Variants in AGMO observed in about 807,000 individuals in gnomAD.
The protein encoded by AGMO is alkylglycerol monooxygenase.
Under a neutral mutation model 60.2 loss-of-function variants are expected in AGMO, and 75 were observed. That is an observed-to-expected ratio of 1.25 (90% CI 1.03 to 1.51). The LOEUF is 1.51. Ranked by LOEUF, AGMO falls within the 40% of genes most tolerant of loss-of-function variation. AGMO has a pLI of 0.00. For missense variants in AGMO, 763 were observed against 525.5 expected, an observed-to-expected ratio of 1.45 and a Z score of -4.42; for synonymous variants, 261 against 177.1, an observed-to-expected ratio of 1.47 and a Z score of -3.76.
chr7:15,340,351 T>C (rs1781803074), intron 12 of AGMO, among the ~76,000 whole-genome samples: 1 of 152,168 alleles, frequency 6.6e-6, no homozygotes, highest in Non-Finnish European at 1.5e-5. Flanking sequence ...GATTTTGAAT[T>C]TTTGACTTAG....
At chr7:15,458,511 T>C (rs948804435) in intron 3 of AGMO, among the ~76,000 whole-genome samples, 1 of 152,196 alleles carries the variant, frequency 6.6e-6, no homozygotes, top group African/African-American at 2.4e-5. Flanking sequence ...GTCTGTCTTA[T>C]AAAGCAACAA....
At chr7:15,204,097 G>A (rs1416508422) in intron 12 of AGMO, among the ~76,000 whole-genome samples, 1 of 151,976 alleles carries the variant, frequency 6.6e-6, no homozygotes, top group Non-Finnish European at 1.5e-5. Flanking sequence ...CATTCCATTA[G>A]AAAATATTTC....
intron 2 of AGMO, among the ~76,000 whole-genome samples, chr7:15,549,537 C>T (rs1050137449): frequency 2.6e-5 from 4 of 151,706 alleles, no homozygotes; most frequent in African/African-American, 9.7e-5. Flanking sequence ...ATAGAACAGA[C>T]TTTAAACCAA....
chr7:15,413,585 C>T (rs4721437), intron 5 of AGMO, among the ~76,000 whole-genome samples: 13,183 of 151,752 alleles, frequency 0.087, 720 homozygotes, highest in South Asian at 0.14. Flanking sequence ...AATGAAAAGA[C>T]ACATTATCTA....
At chr7:15,441,123 T>C (rs971332553) in intron 3 of AGMO, among the ~76,000 whole-genome samples, 3 of 152,168 alleles carry the variant, frequency 2.0e-5, no homozygotes, top group Non-Finnish European at 4.4e-5. Flanking sequence ...CATTCTAAAG[T>C]AGTATGAATA....
chr7:15,343,578 G>T (rs1039104102), intron 12 of AGMO, among the ~76,000 whole-genome samples: 3 of 152,110 alleles, frequency 2.0e-5, no homozygotes, highest in African/African-American at 7.2e-5. Flanking sequence ...TAATTTGAAA[G>T]ATCAAATTAC....
At chr7:15,302,215 CTATT>C (rs1185313519) in intron 12 of AGMO, among the ~76,000 whole-genome samples, 2 of 151,998 alleles carry the variant, frequency 1.3e-5, no homozygotes, top group East Asian at 1.9e-4. Context: ...TGAAGATAAA[CTATT>C]AGTTTGGTCT....
chr7:15,425,018 G>C (rs1038565073), intron 4 of AGMO, among the ~76,000 whole-genome samples: 1 of 152,146 alleles, frequency 6.6e-6, no homozygotes, highest in Non-Finnish European at 1.5e-5. Context: ...TTTCTCTGCA[G>C]TCTCATATGT....
chr7:15,156,045 C>T, the AGMO span, among the ~76,000 whole-genome samples: 12 of 152,192 alleles, frequency 7.9e-5, no homozygotes, highest in Admixed American at 2.0e-4. Context: ...TTGGCAACTA[C>T]GCTCTAATGG....
chr7:15,402,386 C>T (rs898740114), intron 5 of AGMO, among the ~76,000 whole-genome samples: 10 of 151,110 alleles, frequency 6.6e-5, no homozygotes, highest in African/African-American at 2.4e-4. Flanking sequence ...TCTTATCTAT[C>T]TAAACGTGTG....
chr7:15,232,826 C>CACACAA (rs930600939), intron 12 of AGMO, among the ~76,000 whole-genome samples: 1 of 148,178 alleles, frequency 6.7e-6, no homozygotes, highest in African/African-American at 2.5e-5. Flanking sequence ...CACACACACA[C>CACACAA]AAAAACTAAA....
chr7:15,490,684 AG>A (rs1372358691), intron 3 of AGMO, among the ~76,000 whole-genome samples: 5 of 152,316 alleles, frequency 3.3e-5, no homozygotes, highest in Admixed American at 3.3e-4. Context: ...TTTTAGTAAT[AG>A]ACAATTCAAA....
At chr7:15,535,733 T>G (rs1784469514) in intron 3 of AGMO, among the ~76,000 whole-genome samples, 2 of 151,938 alleles carry the variant, frequency 1.3e-5, no homozygotes, top group Admixed American at 1.3e-4. Flanking sequence ...TGTGTAACAG[T>G]CACATCATAA....
chr7:15,219,476 G>A (rs996006536), intron 12 of AGMO, among the ~76,000 whole-genome samples: 10 of 151,314 alleles, frequency 6.6e-5, no homozygotes, highest in Middle Eastern at 3.2e-3. Flanking sequence ...CAACAATCCA[G>A]GAAGGAAAAA....
intron 12 of AGMO, among the ~76,000 whole-genome samples, chr7:15,315,484 T>C (rs1267885063): frequency 6.6e-6 from 1 of 151,782 alleles, no homozygotes; most frequent in African/African-American, 2.4e-5. Flanking sequence ...ATTACAGGCA[T>C]GCGCCACCAC....
At chr7:15,283,732 T>C (rs1784028122) in intron 12 of AGMO, among the ~76,000 whole-genome samples, 1 of 151,962 alleles carries the variant, frequency 6.6e-6, no homozygotes, top group Non-Finnish European at 1.5e-5. Flanking sequence ...CAACTGGACC[T>C]AAGAGATGTT....
the AGMO span, among the ~76,000 whole-genome samples, chr7:15,146,491 T>A: frequency 6.6e-6 from 1 of 151,904 alleles, no homozygotes; most frequent in Non-Finnish European, 1.5e-5. Flanking sequence ...AGTGATTTTG[T>A]CTAGACAAAG....
At chr7:15,427,813 A>ACTTAAAATGG (rs1781110699) in intron 4 of AGMO, among the ~76,000 whole-genome samples, 1 of 152,288 alleles carries the variant, frequency 6.6e-6, no homozygotes, top group Middle Eastern at 3.4e-3. Flanking sequence ...AAGAAGTCTC[A>ACTTAAAATGG]CTTAAAATGG....
chr7:15,236,520 T>G (rs1782424049), intron 12 of AGMO, among the ~76,000 whole-genome samples: 1 of 152,128 alleles, frequency 6.6e-6, no homozygotes, highest in African/African-American at 2.4e-5. Flanking sequence ...GTGACAATGC[T>G]GTTTCAAGAT....
Sources: gnomAD v4.1 joint callset for allele counts (sites outside exome capture counted in the v4.1 genomes callset) on GRCh38, gnomAD v4.1.1 for gene constraint, MANE v1.5 for transcripts, NCBI Gene and HGNC (gene_info 2026-07-23, HGNC 2026-07-21) for gene names.